The following ERMARD variants were observed in gnomAD, a reference collection of about 807,000 sequenced individuals.
ERMARD encodes ER membrane associated RNA degradation.
In ERMARD, 71 loss-of-function variants were observed where a neutral mutation model predicts 83.9. That is an observed-to-expected ratio of 0.85 (90% confidence interval 0.70 to 1.03). The LOEUF (loss-of-function observed/expected upper bound fraction) is 1.03. Among genes scored for constraint, ERMARD ranks in the 50% least tolerant of loss-of-function variants. The probability of loss-of-function intolerance (pLI) is 0.00; values close to 1 mark genes in which losing one functional copy is unlikely to be tolerated. For missense variants in ERMARD, 838 were observed against 810.9 expected (o/e 1.03, Z -0.41); for synonymous variants, 284 against 298.6 (o/e 0.95, Z 0.50).
At chr6:169,777,980 G>A (rs1164409310) in intron 16 of ERMARD, among the ~76,000 whole-genome samples, 4 of 152,104 alleles carry the variant, frequency 2.6e-5, no homozygotes, top group East Asian at 3.9e-4. Flanking sequence ...AGCCTATCCC[G>A]GCTGCTCTGG....
intron 5 of ERMARD, 137 bp from the exon 6 acceptor site, chr6:169,758,831 G>A (rs1471542176): frequency 7.7e-6 from 5 of 651,758 alleles, no homozygotes; most frequent in Non-Finnish European, 1.0e-5. Context: ...AGTAAATGTT[G>A]GTTTTATTAT....
chr6:169,778,020 C>T (rs1033523027), intron 16 of ERMARD, among the ~76,000 whole-genome samples: 2 of 152,234 alleles, frequency 1.3e-5, no homozygotes, highest in Admixed American at 6.5e-5. Context: ...CTGGACAGGA[C>T]GCGTTTCCGT....
chr6:169,772,434 T>A (rs571061107), intron 12 of ERMARD, among the ~76,000 whole-genome samples: 18 of 152,160 alleles, frequency 1.2e-4, no homozygotes, highest in Non-Finnish European at 2.4e-4. Flanking sequence ...GTAGTTAACA[T>A]CTAGCTACTT....
chr6:169,757,789 A>T, intron 5 of ERMARD, among the ~76,000 whole-genome samples: 1 of 152,106 alleles, frequency 6.6e-6, no homozygotes, highest in Non-Finnish European at 1.5e-5. Flanking sequence ...GTGGATCTTT[A>T]CTCCTTGTCC....
At position 169,752,006 on chromosome 6, in the gene ERMARD, C is replaced by T. The variant is rs556997516; in HGVS notation, c.6+343C>T. ...AGGTCGGGCTCTCACCTGACCGTGG[C>T]TCGTTCCTAGAAGCGCAGTTTCCTA... is the stretch of plus-strand genomic sequence containing the variant. On this transcript the variant is annotated intron_variant, in intron 1 of 17. Coordinates refer to ENST00000366773, the MANE Select transcript of ERMARD (RefSeq NM_018341.3). The T allele has an allele frequency of 8.1e-6, 3 of 368,794 alleles. No individual in the cohort carries two copies. In the East Asian group the frequency reaches 1.4e-4, roughly 18 times the overall value. The allele number at this position is 368,794 out of a possible 1,614,324, so 22.8% of individuals were successfully genotyped here.
Position 169,775,290 on chromosome 6 carries a change from C to T in ERMARD, c.1338C>T (p.Ser446=). Residue 446 remains serine (S), a synonymous_variant, in exon 14 of 18, where the codon AGC becomes AGT. Transcript: ENST00000366773. ...LKKQVLSCEE[S]IRVWALLPFP... is the part of the protein sequence containing the mutation. ...CCCAGGTGCTGAGCTGTGAGGAGAGCATCAGGGTTTGGGCTCTGCTGCCTT... is the reference window on the plus strand; with the variant it reads ...CCCAGGTGCTGAGCTGTGAGGAGAGTATCAGGGTTTGGGCTCTGCTGCCTT... The T allele has an allele frequency of 6.2e-7, 1 of 1,614,202 alleles. No individual in the cohort carries two copies. The highest frequency in any genetic ancestry group is 1.1e-5 in the South Asian group (1 of 91,070).
intron 14 of ERMARD, 131 bp downstream of exon 14, chr6:169,775,477 T>TGCAGGCTGTGGGGAGCTGGAAGTGTC (rs1562348197): frequency 1.4e-5 from 14 of 1,002,384 alleles, no homozygotes; most frequent in Admixed American, 6.3e-5. Flanking sequence ...TGGTGGCTGA[T>TGCAGGCTGTGGGGAGCTGGAAGTGTC]GCAGGCTGTG....
Position 169,768,086 on chromosome 6 carries a change from T to A in ERMARD, c.991-17T>A. Reference sequence around the variant, plus strand: ...ATGGGGACCAGTTAACCAATGTATTTATTTTTGATGTTTTAGATATTGGCA... The same window carrying A: ...ATGGGGACCAGTTAACCAATGTATTAATTTTTGATGTTTTAGATATTGGCA... On this transcript the variant is annotated splice_polypyrimidine_tract_variant and intron_variant, in intron 10 of 17. Transcript: ENST00000366773. The A allele has an allele frequency of 6.2e-7, 1 of 1,607,322 alleles. No homozygotes were observed. The highest frequency in any genetic ancestry group is 8.5e-7 in the Non-Finnish European group (1 of 1,173,838).
rs371895613 is a variant in ERMARD at position 169,754,037 on chromosome 6, G to T, written c.175+5G>T. ...GTGTGAGCTACACAGAGTCAGGTTT[G>T]TGCTGTCTTTGTACTCCAAACTTTC... On this transcript the variant is annotated splice_donor_5th_base_variant and intron_variant, in intron 2 of 17. Transcript: ENST00000366773. 4.4e-6 allele frequency: 7 copies of T among 1,604,470 alleles called. No individual in the cohort carries two copies. Among genetic ancestry groups the T allele is most frequent in the Non-Finnish European group, 6.0e-6 (7 of 1,174,206 alleles).
At chr6:169,756,040 C>T (rs1390137616) in intron 3 of ERMARD, among the ~76,000 whole-genome samples, 2 of 152,078 alleles carry the variant, frequency 1.3e-5, no homozygotes, top group Non-Finnish European at 2.9e-5. Context: ...AGGGCTCAGC[C>T]AAATCAAAAG....
intron 2 of ERMARD, 114 bp downstream of exon 2, chr6:169,754,146 C>A (rs1790502440): frequency 2.1e-6 from 2 of 967,396 alleles, no homozygotes; most frequent in South Asian, 2.0e-5. Context: ...TGTTATAATA[C>A]AGGCCTAACT....
chr6:169,773,240 C>CT (rs1241810454), intron 12 of ERMARD, 79 bp from the exon 13 acceptor site: 2 of 1,151,378 alleles, frequency 1.7e-6, no homozygotes, highest in African/African-American at 1.5e-5. Context: ...AATGGGGACT[C>CT]TAAGTGGCCT....
rs537314791 is a variant in ERMARD at position 169,776,543 on chromosome 6, C to T, written c.1609C>T (p.Arg537Ter). The change falls in exon 16 of 18, where the codon CGA (arginine) becomes TGA (stop). Residue 537 changes from arginine (R) to a stop codon, truncating the protein, a stop_gained. Transcript: ENST00000366773. LOFTEE classifies it high-confidence loss of function. ...TGTGCTGGAAGTGCTGGTTGTGCTC[C>T]GAAGCATCAGCGAACAGTGCCGCCG... The part of the protein sequence containing the change: ...RIVLEVLVVL[R>*]SISEQCRRVS... 1.7e-5 allele frequency: 28 copies of T among 1,614,170 alleles called. No homozygotes were observed. Among genetic ancestry groups the T allele is most frequent in the Middle Eastern group, 1.6e-4 (1 of 6,062 alleles).
rs184359209 is a variant in ERMARD at position 169,756,428 on chromosome 6, G to A, written c.406G>A (p.Ala136Thr). The A allele has an allele frequency of 1.7e-5, 27 of 1,606,654 alleles. No homozygotes were observed. The East Asian group carries it at 6.0e-4, about 36-fold the overall frequency. ...LMKLTSCLER[A>T]LGDVFLLIGK... The stretch of plus-strand genomic sequence containing the variant: ...GAAACTGACATCGTGTCTAGAACGA[G>A]CCTTGGGTGATGTAAGTGTGAGAAC... Residue 136 changes from alanine to threonine, a missense_variant, in exon 4 of 18, where the codon GCC becomes ACC. By Grantham distance (58) the Ala-to-Thr change is moderately conservative (BLOSUM62 0). Transcript: ENST00000366773.
intron 8 of ERMARD, 43 bp downstream of exon 8, chr6:169,760,799 G>A (rs771367353): frequency 6.0e-5 from 83 of 1,376,312 alleles, no homozygotes; most frequent in Admixed American, 9.4e-5. Context: ...AGTGGTTGGA[G>A]GCCATTCTTT....
At chr6:169,751,326 T>C (rs1460903342), upstream of ERMARD, 8 of 1,612,694 alleles carry the variant, frequency 5.0e-6, no homozygotes, top group Admixed American at 1.7e-5. Flanking sequence ...CCCCTAGCAG[T>C]CTCCGCACTC....
At chr6:169,751,602 A>G (rs1790088928), upstream of ERMARD, 1 of 1,589,108 alleles carries the variant, frequency 6.3e-7, no homozygotes, top group Non-Finnish European at 8.6e-7. Flanking sequence ...CGCCTGGAGG[A>G]GGGGCGCGCA....
chr6:169,775,135 C>T, intron 13 of ERMARD, 135 bp from the exon 14 acceptor site: 1 of 906,044 alleles, frequency 1.1e-6, no homozygotes, highest in Non-Finnish European at 1.7e-6. Context: ...CTGACACCCA[C>T]CATCTGGTTT....
upstream of ERMARD, chr6:169,751,614 G>A (rs1308535577): frequency 5.1e-6 from 8 of 1,583,254 alleles, 1 homozygote; most frequent in Admixed American, 1.3e-4. Flanking sequence ...GGGCGCGCAG[G>A]CGCCTGCGTC....
Sources: gnomAD v4.1 joint callset for allele counts (sites outside exome capture counted in the v4.1 genomes callset) on GRCh38, gnomAD v4.1.1 for gene constraint, MANE v1.5 for transcripts, NCBI Gene and HGNC (gene_info 2026-07-23, HGNC 2026-07-21) for gene names.